Variants in GLDC observed in about 807,000 individuals in gnomAD.
GLDC encodes glycine decarboxylase, also known as glycine dehydrogenase (decarboxylating), mitochondrial.
A neutral mutation model predicts 121.3 loss-of-function variants in GLDC; 104 were observed. The observed-to-expected ratio is 0.86, with a 90% CI of 0.73 to 1.01. GLDC has a LOEUF of 1.01. Among genes scored for constraint, GLDC ranks in the 50% least tolerant of loss-of-function variants. GLDC has a pLI of 0.00. For synonymous variants in GLDC, 546 were observed against 480.6 expected, an observed-to-expected ratio of 1.14 and a Z score of -1.78; for missense variants, 1,429 against 1,306.6, an observed-to-expected ratio of 1.09 and a Z score of -1.44.
At chr9:6,620,575 T>C (rs143284833) in intron 2 of GLDC, among the ~76,000 whole-genome samples, 1 of 152,290 alleles carries the variant, frequency 6.6e-6, no homozygotes, top group African/African-American at 2.4e-5. Context: ...CGGTTCTGTT[T>C]GCTAGAACTG....
At chr9:6,536,033 C>T (rs377763882) in intron 23 of GLDC, 31 bp downstream of exon 23, 10 of 1,589,484 alleles carry the variant, frequency 6.3e-6, no homozygotes, top group Admixed American at 5.0e-5. Flanking sequence ...GTTTAAGGAA[C>T]ATTTCAAGCA....
intron 21 of GLDC, 161 bp from the exon 22 acceptor site, chr9:6,540,307 G>T (rs1209589676): frequency 1.5e-6 from 1 of 655,872 alleles, no homozygotes; most frequent in Non-Finnish European, 2.7e-6. Flanking sequence ...TGGCAATAAA[G>T]GTTTCATTTA....
intron 16 of GLDC, among the ~76,000 whole-genome samples, chr9:6,564,060 C>T (rs1817808450): frequency 6.6e-6 from 1 of 151,986 alleles, no homozygotes; most frequent in Non-Finnish European, 1.5e-5. Flanking sequence ...CTAGCCTGAT[C>T]AACATGGTGA....
chr9:6,629,958 T>TATATATA, intron 2 of GLDC, among the ~76,000 whole-genome samples: 2 of 78,644 alleles, frequency 2.5e-5, no homozygotes, highest in African/African-American at 6.1e-5. Flanking sequence ...TATATATATA[T>TATATATA]TTTTTTTTTT....
chr9:6,545,567 C>T (rs1008810809), intron 21 of GLDC, among the ~76,000 whole-genome samples: 5 of 152,118 alleles, frequency 3.3e-5, no homozygotes, highest in South Asian at 2.1e-4. Flanking sequence ...ACTTTGTGAA[C>T]GCTGTACACT....
At chr9:6,546,964 A>AAATAATAAT (rs5896159) in intron 21 of GLDC, among the ~76,000 whole-genome samples, 4 of 151,330 alleles carry the variant, frequency 2.6e-5, no homozygotes, top group Admixed American at 6.6e-5. Context: ...TCTGTCTCAA[A>AAATAATAAT]AATAATAATA....
chr9:6,545,446 T>A (rs113075882), intron 21 of GLDC, among the ~76,000 whole-genome samples: 4,468 of 152,240 alleles, frequency 0.029, 103 homozygotes, highest in Non-Finnish European at 0.048. Context: ...TACATCTGTG[T>A]AGGGCACTTA....
chr9:6,591,185 T>C (rs887631434), intron 11 of GLDC, among the ~76,000 whole-genome samples: 21 of 152,198 alleles, frequency 1.4e-4, no homozygotes, highest in Non-Finnish European at 2.6e-4. Flanking sequence ...CTGAACTGCT[T>C]ATAGCTTTCA....
chr9:6,593,297 C>CTT (rs773281544), intron 9 of GLDC, among the ~76,000 whole-genome samples: 2 of 138,426 alleles, frequency 1.4e-5, no homozygotes, highest in Non-Finnish European at 3.1e-5. Context: ...AAAATTATAC[C>CTT]TTTTTTTTTT....
intron 2 of GLDC, among the ~76,000 whole-genome samples, chr9:6,628,565 A>G (rs1819295969): frequency 6.6e-6 from 1 of 152,212 alleles, no homozygotes; most frequent in Non-Finnish European, 1.5e-5. Flanking sequence ...CCGAGGCAGA[A>G]GGATTGTTTG....
In GLDC at chr9:6,536,243, A is replaced by C; in HGVS notation, c.2666-7T>G. ...ATGGTAGGGGCGTGAAATCCTGCAAAGGGAGACAGGAGAACTTGCCTCACT... is the reference window on the plus strand; with the variant it reads ...ATGGTAGGGGCGTGAAATCCTGCAACGGGAGACAGGAGAACTTGCCTCACT... On this transcript the variant is annotated splice_polypyrimidine_tract_variant and splice_region_variant and intron_variant, in intron 22 of 24. Coordinates refer to ENST00000321612, the MANE Select transcript of GLDC (RefSeq NM_000170.3). 3 of 1,612,504 alleles carry C rather than the reference A, an allele frequency of 1.9e-6. No individual in the cohort carries two copies. The highest frequency in any genetic ancestry group is 2.5e-6 in the Non-Finnish European group (3 of 1,179,262).
At chr9:6,561,794 G>A (rs192572419) in intron 16 of GLDC, among the ~76,000 whole-genome samples, 134 of 152,290 alleles carry the variant, frequency 8.8e-4, no homozygotes, top group African/African-American at 2.9e-3. Flanking sequence ...CCAGGGTGCC[G>A]CGTGGCATAG....
At chr9:6,582,597 A>G (rs1162728032) in intron 15 of GLDC, among the ~76,000 whole-genome samples, 1 of 151,970 alleles carries the variant, frequency 6.6e-6, no homozygotes, top group East Asian at 1.9e-4. Flanking sequence ...TGAGAGGCCG[A>G]GGCGGGTGGA....
At chr9:6,542,749 A>G (rs1397553385) in intron 21 of GLDC, among the ~76,000 whole-genome samples, 3 of 151,306 alleles carry the variant, frequency 2.0e-5, no homozygotes, top group Non-Finnish European at 4.4e-5. Context: ...AGCTAGGTGC[A>G]GTTGTGCCTG....
intron 7 of GLDC, among the ~76,000 whole-genome samples, chr9:6,604,028 C>CT (rs1389463419): frequency 2.6e-5 from 4 of 151,768 alleles, no homozygotes; most frequent in African/African-American, 9.7e-5. Context: ...GCACCCAGCC[C>CT]TTTTTTTCTT....
intron 3 of GLDC, among the ~76,000 whole-genome samples, chr9:6,616,236 A>G (rs1818964909): frequency 6.6e-6 from 1 of 152,254 alleles, no homozygotes; most frequent in Admixed American, 6.5e-5. Flanking sequence ...TTTAGATATT[A>G]TTACATATTT....
At chr9:6,614,052 C>T (rs940145694) in intron 3 of GLDC, among the ~76,000 whole-genome samples, 3 of 151,944 alleles carry the variant, frequency 2.0e-5, no homozygotes, top group African/African-American at 4.8e-5. Context: ...GCTGGGATTA[C>T]AGGCGTGAGT....
chr9:6,600,679 GA>G (rs1204856912), intron 8 of GLDC, among the ~76,000 whole-genome samples: 1 of 140,900 alleles, frequency 7.1e-6, no homozygotes, highest in Non-Finnish European at 1.6e-5. Context: ...TCTCAAAGAA[GA>G]AAAAAAAAGA....
At chr9:6,639,086 G>A in intron 2 of GLDC, 1 of 686,506 alleles carries the variant, frequency 1.5e-6, no homozygotes, top group South Asian at 1.6e-5. Flanking sequence ...GCAACAAGGT[G>A]ACAGTCCAAT....
Sources: allele counts gnomAD v4.1 joint callset (sites outside exome capture counted in the v4.1 genomes callset), GRCh38; gene constraint gnomAD v4.1.1; transcripts MANE v1.5; gene names NCBI Gene and HGNC (gene_info 2026-07-23, HGNC 2026-07-21).